Variants in PLCD1 observed in about 807,000 individuals in gnomAD.
The protein encoded by PLCD1 is phospholipase C delta 1, also known as 1-phosphatidylinositol 4,5-bisphosphate phosphodiesterase delta-1.
In PLCD1, 71 loss-of-function variants were observed where a neutral mutation model predicts 87.4. That is an observed-to-expected ratio of 0.81 (90% confidence interval 0.67 to 0.99). The LOEUF is 0.99. PLCD1 is among the 50% of genes least tolerant of loss of function. The pLI is 0.00. For synonymous variants in PLCD1, 348 were observed against 399.2 expected (o/e 0.87, Z 1.53); for missense variants, 867 against 1,001.5 (o/e 0.87, Z 1.81).
intron 10 of PLCD1, 53 bp downstream of exon 10, chr3:38,009,219 C>G (rs1700026163): frequency 6.2e-7 from 1 of 1,613,238 alleles, no homozygotes; most frequent in African/African-American, 1.3e-5. Flanking sequence ...AAGCCCTGCC[C>G]TGCCAATTCT....
intron 1 of PLCD1, chr3:38,024,215 T>A (rs1700274445): frequency 1.2e-6 from 1 of 845,700 alleles, no homozygotes; most frequent in African/African-American, 1.7e-5. Flanking sequence ...ACAGAAGTAC[T>A]AAACATGTCC....
chr3:38,025,101 G>A lies in PLCD1; in HGVS notation c.34+4405C>T. 6.6e-6 allele frequency among the ~76,000 whole-genome samples: 1 copy of A among 151,710 alleles called. No individual in the cohort carries two copies. The highest frequency in any genetic ancestry group is 1.9e-4 in the East Asian group (1 of 5,154). Reference sequence around the variant, plus strand: ...GGAGCCTCTGCTCCAGAGGCGACGTGGAGGCAGAGCCATACCCAGGAAGCA... The same window carrying A: ...GGAGCCTCTGCTCCAGAGGCGACGTAGAGGCAGAGCCATACCCAGGAAGCA... On this transcript the variant is annotated intron_variant, in intron 1 of 14. Coordinates refer to ENST00000334661, the MANE Select transcript of PLCD1 (RefSeq NM_006225.4). This position sits in a 1 kb window ranked among gnomAD's most constrained non-coding sequence, Gnocchi z 4.0.
intron 14 of PLCD1, 65 bp from the exon 15 acceptor site, chr3:38,007,923 G>A: frequency 6.2e-7 from 1 of 1,602,474 alleles, no homozygotes; most frequent in Admixed American, 1.7e-5. Flanking sequence ...CGGAGGGGGG[G>A]TGGATGCGTC....
chr3:38,025,735 G>A lies in PLCD1; in HGVS notation c.34+3771C>T, dbSNP rs1383029263. ...GCTCGGGAACAGTGGGTCCTTTCAT[G>A]TACATCACAACTTCCCTTTCATTCA... On this transcript the variant is annotated intron_variant, in intron 1 of 14. Coordinates refer to ENST00000334661, the MANE Select transcript of PLCD1 (RefSeq NM_006225.4). This position sits in a 1 kb window ranked among gnomAD's most constrained non-coding sequence, Gnocchi z 4.0. Among the ~76,000 whole-genome samples, 1 of 152,206 alleles carries A rather than the reference G, an allele frequency of 6.6e-6. No homozygotes were observed. The highest frequency in any genetic ancestry group is 1.5e-5 in the Non-Finnish European group (1 of 68,034).
At chr3:38,011,193 A>T (rs757722221) in intron 5 of PLCD1, 21 bp downstream of exon 5, 10 of 1,575,378 alleles carry the variant, frequency 6.3e-6, no homozygotes, top group African/African-American at 5.4e-5. Flanking sequence ...TGCAGGTAGC[A>T]GGCCCTGGTC....
In PLCD1 at chr3:38,010,390, G is replaced by A. The variant is rs376761370; in HGVS notation, c.963C>T (p.Ala321=). Reference sequence around the variant, plus strand: ...TGTAGGCTTCAGTGCTGCTGGGCCCGGCTAGCTGGTCCTCCAGCAGGTAGG... The same window carrying A: ...TGTAGGCTTCAGTGCTGCTGGGCCCAGCTAGCTGGTCCTCCAGCAGGTAGG... ...HNTYLLEDQL[A]GPSSTEAYIR... Residue 321 remains alanine, a synonymous_variant, in exon 6 of 15, where the codon GCC becomes GCT. Transcript: ENST00000334661. 2.6e-5 allele frequency: 42 copies of A among 1,614,094 alleles called. No individual in the cohort carries two copies. The highest frequency in any genetic ancestry group is 4.0e-5 in the African/African-American group (3 of 74,930).
rs1185557410 is a variant in PLCD1 at position 38,010,155 on chromosome 3, C to T, written c.1113G>A (p.Arg371=). 2 of 1,614,256 alleles carry T rather than the reference C, an allele frequency of 1.2e-6. No homozygotes were observed. The highest frequency in any genetic ancestry group is 1.7e-5 in the Admixed American group (1 of 60,036). The stretch of plus-strand genomic sequence containing the variant: ...CCTTGAAGGCATAGTCCCGGATGGC[C>T]CTGAGCACATCGCAGAAGAGGATCT... ...TSKILFCDVL[R]AIRDYAFKAS... is the part of the protein sequence containing the mutation. Residue 371 remains arginine, a synonymous_variant, in exon 7 of 15, where the codon AGG becomes AGA. Transcript: ENST00000334661.
chr3:38,029,479 TC>T, intron 1 of PLCD1, 26 bp downstream of exon 1: 1 of 1,536,146 alleles, frequency 6.5e-7, no homozygotes. Context: ...CTGCAGGGTC[TC>T]CCGCTCGCGC....
At chr3:38,010,649 G>T in intron 5 of PLCD1, 87 bp from the exon 6 acceptor site, 1 of 1,073,460 alleles carries the variant, frequency 9.3e-7, no homozygotes. Flanking sequence ...GGAGCCCTCT[G>T]AACCCGCTTG....
In PLCD1 at chr3:38,010,227, C is replaced by T. The variant is rs757553761; in HGVS notation, c.1041G>A (p.Gly347=). ...CRCLELDCWD[G]PNQEPIIYHG... is the part of the protein sequence containing the mutation. ...GGTAGATGATTGGTTCCTGGTTGGG[C>T]CCGTCCCAGCAGTCAAGCTCCAGGC... Residue 347 remains glycine, a synonymous_variant, in exon 7 of 15, where the codon GGG becomes GGA. Coordinates refer to ENST00000334661, the MANE Select transcript of PLCD1 (RefSeq NM_006225.4). 8 of 1,614,196 alleles carry T rather than the reference C, an allele frequency of 5.0e-6. No individual in the cohort carries two copies. Among genetic ancestry groups the T allele is most frequent in the African/African-American group, 2.7e-5 (2 of 75,044 alleles).
chr3:38,013,208 C>CTT (rs869279889), intron 3 of PLCD1, among the ~76,000 whole-genome samples: 19 of 118,502 alleles, frequency 1.6e-4, no homozygotes, highest in Admixed American at 3.5e-4. Flanking sequence ...TTTTAATTTT[C>CTT]TTTTTTTTTT....
chr3:38,008,480 G>A lies in PLCD1; in HGVS notation c.1880C>T (p.Ala627Val). ...PRALAQGPWW[A>V]RKRLNIRVIS... ...TACCCTGATGTTGAGCCGCTTCCGT[G>A]CCCACCAGGGCCCCTGAGCCAGGGC... Residue 627 changes from alanine (A) to valine (V), a missense_variant, in exon 12 of 15, where the codon GCA becomes GTA. Ala to Val is a moderately conservative substitution (Grantham distance 64). Coordinates refer to ENST00000334661, the MANE Select transcript of PLCD1 (RefSeq NM_006225.4). 1 of 1,614,210 alleles carries A rather than the reference G, an allele frequency of 6.2e-7. No individual in the cohort carries two copies. The highest frequency in any genetic ancestry group is 8.5e-7 in the Non-Finnish European group (1 of 1,180,006).
In PLCD1 at chr3:38,016,581, G is replaced by A. The variant is rs751254293; in HGVS notation, c.338C>T (p.Pro113Leu). ...DQRNTLDLIAPSPADAQHWVL... is the reference protein window; with the variant it reads ...DQRNTLDLIALSPADAQHWVL... ...CCAGTGCTGGGCATCAGCTGGCGAT[G>A]GGGCGATGAGGTCTAGTGTATTGCG... is the stretch of plus-strand genomic sequence containing the variant. Residue 113 changes from proline (P) to leucine (L), a missense_variant, in exon 3 of 15, where the codon CCA (proline) becomes CTA (leucine). Transcript: ENST00000334661. 3 of 1,613,942 alleles carry A rather than the reference G, an allele frequency of 1.9e-6. No homozygotes were observed. Among genetic ancestry groups the A allele is most frequent in the Admixed American group, 1.7e-5 (1 of 60,018 alleles).
intron 1 of PLCD1, chr3:38,024,795 G>A: frequency 4.1e-6 from 5 of 1,226,796 alleles, no homozygotes; most frequent in Non-Finnish European, 5.3e-6. Context: ...GAAAATCTGG[G>A]CTAAGGAGGG....
At chr3:38,010,710 T>G (rs1430867015) in intron 5 of PLCD1, 148 bp from the exon 6 acceptor site, 18 of 673,266 alleles carry the variant, frequency 2.7e-5, no homozygotes, top group Non-Finnish European at 4.1e-5. Flanking sequence ...AGGATAAGTC[T>G]GAGGCTCTCG....
Position 38,011,561 on chromosome 3 carries a change from C to T in PLCD1, c.541G>A (p.Ala181Thr). 1 of 1,614,204 alleles carries T rather than the reference C, an allele frequency of 6.2e-7. No individual in the cohort carries two copies. The highest frequency in any genetic ancestry group is 2.2e-5 in the East Asian group (1 of 44,886). Residue 181 changes from alanine to threonine, a missense_variant, in exon 4 of 15, where the codon GCC (alanine) becomes ACC (threonine). Ala to Thr is a moderately conservative substitution (Grantham distance 58). Coordinates refer to ENST00000334661, the MANE Select transcript of PLCD1 (RefSeq NM_006225.4). ...ELNIQVDDSY[A>T]RKIFRECDHS... is the part of the protein sequence containing the mutation. The stretch of plus-strand genomic sequence containing the variant: ...TGCCTCACCCTGAAGATCTTCCGGG[C>T]ATAGCTGTCGTCCACCTGGATGTTG...
In PLCD1 at chr3:38,007,836, C is replaced by T. The variant is rs780354735; in HGVS notation, c.2208G>A (p.Met736Ile). 1 of 1,614,184 alleles carries T rather than the reference C, an allele frequency of 6.2e-7. No individual in the cohort carries two copies. The highest frequency in any genetic ancestry group is 8.5e-7 in the Non-Finnish European group (1 of 1,180,006). ...ATGGATGCTGGTCCCCGTTCTTAGA[C>T]ATGAGGTGGACATGGCGGTATCCTG... ...LKQGYRHVHL[M>I]SKNGDQHPSA... Residue 736 changes from methionine (M) to isoleucine (I), a missense_variant, in exon 15 of 15, where the codon ATG (methionine) becomes ATA (isoleucine). By Grantham distance (10) the Met-to-Ile change is conservative. Transcript: ENST00000334661.
At chr3:38,011,751 C>T (rs1273222669) in intron 3 of PLCD1, 78 bp from the exon 4 acceptor site, 3 of 1,426,886 alleles carry the variant, frequency 2.1e-6, no homozygotes, top group Non-Finnish European at 3.0e-6. Flanking sequence ...ATGGCTCCAG[C>T]TGAAGCCACC....
Position 38,011,690 on chromosome 3 carries a change from G to C in PLCD1, c.429-17C>G. Reference sequence around the variant, plus strand: ...TGAATCCAGCTGGGCAAGAAGTAAGGAAAGAACCCAGGAACCCTGGAACCT... The same window carrying C: ...TGAATCCAGCTGGGCAAGAAGTAAGCAAAGAACCCAGGAACCCTGGAACCT... On this transcript the variant is annotated splice_polypyrimidine_tract_variant and intron_variant, in intron 3 of 14. Transcript: ENST00000334661. 3 of 1,614,050 alleles carry C rather than the reference G, an allele frequency of 1.9e-6. No individual in the cohort carries two copies. The South Asian group carries it at 3.3e-5, about 18-fold the overall frequency.
Sources: allele counts gnomAD v4.1 joint callset (sites outside exome capture counted in the v4.1 genomes callset), GRCh38; gene constraint gnomAD v4.1.1; non-coding constraint Gnocchi (gnomAD v3.1); transcripts MANE v1.5; gene names NCBI Gene and HGNC (gene_info 2026-07-23, HGNC 2026-07-21).